RORA: variants seen among roughly 807,000 people sequenced by gnomAD.
RORA encodes the protein nuclear receptor ROR-alpha.
RORA carries 7 observed loss-of-function variants against 69.5 expected under a neutral mutation model. The observed-to-expected ratio is 0.10, with a 90% CI of 0.06 to 0.19. RORA has a LOEUF of 0.19. RORA is among the 10% of genes least tolerant of loss of function. The pLI is 1.00. For missense variants in RORA, 457 were observed against 663.0 expected, an observed-to-expected ratio of 0.69 and a Z score of 3.41; for synonymous variants, 261 against 240.8, an observed-to-expected ratio of 1.08 and a Z score of -0.78.
chr15:61,165,165 G>C (rs1481951964), intron 1 of RORA, among the ~76,000 whole-genome samples: 1 of 152,076 alleles, frequency 6.6e-6, no homozygotes, highest in Non-Finnish European at 1.5e-5. Context: ...TCACCTTCCT[G>C]CTGCCTCAAC....
At chr15:60,712,453 A>G (rs1429542396) in intron 1 of RORA, among the ~76,000 whole-genome samples, 1 of 152,184 alleles carries the variant, frequency 6.6e-6, no homozygotes, top group African/African-American at 2.4e-5. Context: ...TCTATTGTCT[A>G]GTGGAACTAA....
chr15:60,546,969 G>A (rs1567077179), intron 2 of RORA, among the ~76,000 whole-genome samples: 1 of 152,180 alleles, frequency 6.6e-6, no homozygotes, highest in Non-Finnish European at 1.5e-5. Flanking sequence ...ATTTTGTTAG[G>A]GGAGTAGCAG....
At chr15:61,143,860 C>T (rs2079322195) in intron 1 of RORA, among the ~76,000 whole-genome samples, 1 of 152,004 alleles carries the variant, frequency 6.6e-6, no homozygotes, top group African/African-American at 2.4e-5. Context: ...ATAAGGGAGG[C>T]TCTATTAGGC....
In RORA at chr15:60,552,092, A is replaced by G. The variant is rs888703120; in HGVS notation, c.197-20241T>C. 2.6e-5 allele frequency among the ~76,000 whole-genome samples: 4 copies of G among 152,340 alleles called. No homozygotes were observed. The South Asian group carries it at 6.2e-4, about 24-fold the overall frequency. ...GTTAGGGAGAGGCAGTGAGCCTTGC[A>G]TCATAGGTAGAACACGATGCAGCTG... On this transcript the variant is annotated intron_variant, in intron 2 of 10. Transcript: ENST00000335670.
intron 1 of RORA, among the ~76,000 whole-genome samples, chr15:60,756,060 AC>A (rs2071797797): frequency 6.6e-6 from 1 of 152,210 alleles, no homozygotes; most frequent in African/African-American, 2.4e-5. Context: ...CTCCTAAGTG[AC>A]AGCTCCCAAA....
chr15:60,984,576 AAAT>A (rs1438606967), intron 1 of RORA, among the ~76,000 whole-genome samples: 1 of 152,108 alleles, frequency 6.6e-6, no homozygotes, highest in Non-Finnish European at 1.5e-5. Context: ...TAACATACAC[AAAT>A]AATAAGGCAC....
chr15:60,897,960 C>T (rs1288684462), intron 1 of RORA, among the ~76,000 whole-genome samples: 1 of 152,204 alleles, frequency 6.6e-6, no homozygotes, highest in Non-Finnish European at 1.5e-5. Flanking sequence ...TTCCCTCCAC[C>T]TTTACCTCCT....
At chr15:60,704,763 G>A (rs1262618461) in intron 1 of RORA, among the ~76,000 whole-genome samples, 3 of 152,254 alleles carry the variant, frequency 2.0e-5, no homozygotes, top group South Asian at 4.1e-4. Flanking sequence ...AGCAAGCCTT[G>A]TTGGTTATTG....
intron 1 of RORA, among the ~76,000 whole-genome samples, chr15:61,173,435 A>G (rs1449690212): frequency 6.6e-6 from 1 of 152,186 alleles, no homozygotes; most frequent in African/African-American, 2.4e-5. Context: ...CTTGTGTTGG[A>G]ATTTTTTAAG....
At chr15:60,982,836 T>C (rs1244518129) in intron 1 of RORA, among the ~76,000 whole-genome samples, 1 of 152,212 alleles carries the variant, frequency 6.6e-6, no homozygotes, top group Non-Finnish European at 1.5e-5. Flanking sequence ...CTGATGGTTA[T>C]TGCCACTTTT....
chr15:60,979,292 C>T (rs56350622), intron 1 of RORA, among the ~76,000 whole-genome samples: 94,939 of 122,702 alleles, frequency 0.77, 34,564 homozygotes, highest in East Asian at 0.85. Context: ...TTTTTTTTTT[C>T]CAAGAATATT....
chr15:60,966,082 A>C (rs905651210), intron 1 of RORA, among the ~76,000 whole-genome samples: 3 of 152,176 alleles, frequency 2.0e-5, no homozygotes, highest in African/African-American at 7.2e-5. Context: ...GAGGATGGTG[A>C]GGGAAGGGTC....
intron 1 of RORA, among the ~76,000 whole-genome samples, chr15:60,942,283 G>T (rs1242497794): frequency 6.6e-6 from 1 of 152,100 alleles, no homozygotes; most frequent in African/African-American, 2.4e-5. Flanking sequence ...CAAGGCCAAG[G>T]CTGCCTCGCC....
intron 2 of RORA, chr15:60,547,766 TG>T (rs1289760462): frequency 6.6e-6 from 1 of 152,152 alleles, no homozygotes; most frequent in Non-Finnish European, 1.5e-5. Context: ...ATGAAAACAT[TG>T]CTGAAGGAGG....
At chr15:60,546,202 A>C (rs1238482117) in intron 2 of RORA, 1 of 152,254 alleles carries the variant, frequency 6.6e-6, no homozygotes, top group African/African-American at 2.4e-5. Context: ...GTAAGAAAAA[A>C]TGAAAAACTT....
intron 1 of RORA, among the ~76,000 whole-genome samples, chr15:61,104,113 C>A (rs931424308): frequency 6.6e-6 from 1 of 152,224 alleles, no homozygotes; most frequent in African/African-American, 2.4e-5. Flanking sequence ...TCCCCTTCCA[C>A]CCAACTCACC....
intron 1 of RORA, among the ~76,000 whole-genome samples, chr15:60,887,890 A>T (rs1011776479): frequency 1.3e-5 from 2 of 152,228 alleles, no homozygotes; most frequent in Non-Finnish European, 2.9e-5. Flanking sequence ...ATCTTACTTC[A>T]CATAGTCTAG....
chr15:61,077,173 G>A (rs1328026080), intron 1 of RORA, among the ~76,000 whole-genome samples: 2 of 151,228 alleles, frequency 1.3e-5, no homozygotes, highest in Non-Finnish European at 2.9e-5. Flanking sequence ...ATATTTAATC[G>A]TAGATGATAC....
chr15:61,218,175 TTGTGTGTGTG>T (rs72135304), intron 1 of RORA, among the ~76,000 whole-genome samples: 13 of 148,296 alleles, frequency 8.8e-5, no homozygotes, highest in East Asian at 5.9e-4. Context: ...CATGAAATGT[TTGTGTGTGTG>T]TGTGTGTGTG....
Sources: gnomAD v4.1 joint callset for allele counts (sites outside exome capture counted in the v4.1 genomes callset) on GRCh38, gnomAD v4.1.1 for gene constraint, MANE v1.5 for transcripts, NCBI Gene and HGNC (gene_info 2026-07-23, HGNC 2026-07-21) for gene names.